The following EPB41 variants were observed in gnomAD, a reference collection of about 807,000 sequenced individuals.
EPB41 encodes erythrocyte membrane protein band 4.1.
EPB41 carries 65 observed loss-of-function variants against 108.0 expected under a neutral mutation model. That is an observed-to-expected ratio of 0.60 (90% CI 0.49 to 0.74). The LOEUF (loss-of-function observed/expected upper bound fraction) is 0.74, where lower values mean the gene tolerates loss of function less well. Ranked by LOEUF, EPB41 falls within the 30% of genes least tolerant of loss-of-function variation. The pLI is 0.00. For missense variants in EPB41, 875 were observed against 1,037.0 expected, an observed-to-expected ratio of 0.84 and a Z score of 2.15; for synonymous variants, 336 against 358.9, an observed-to-expected ratio of 0.94 and a Z score of 0.72.
intron 1 of EPB41, among the ~76,000 whole-genome samples, chr1:28,977,361 A>G (rs2095631275): frequency 1.3e-5 from 2 of 151,228 alleles, no homozygotes; most frequent in African/African-American, 4.9e-5. Flanking sequence ...AAAGATAACC[A>G]TTCAGTCTTT....
At chr1:29,039,209 TAA>T in intron 10 of EPB41, 43 bp from the exon 11 acceptor site, 1 of 1,563,550 alleles carries the variant, frequency 6.4e-7, no homozygotes, top group South Asian at 1.2e-5. Flanking sequence ...TTTAGAATAA[TAA>T]GATGAATATA....
Position 29,115,570 on chromosome 1 carries a change from C to A in EPB41, c.2497-129C>A. 2 of 792,720 alleles carry A rather than the reference C, an allele frequency of 2.5e-6. No homozygotes were observed. Among genetic ancestry groups the A allele is most frequent in the South Asian group, 1.5e-5 (1 of 67,772 alleles). The allele number at this position is 792,720 out of a possible 1,614,324, so 49.1% of individuals were successfully genotyped here. ...TAAGGTAATTATCAGCTTGGCTTAG[C>A]CTAAAGCTGCCCTGGTACTGCAGAC... is the stretch of plus-strand genomic sequence containing the variant. On this transcript the variant is annotated intron_variant, in intron 19 of 20. Transcript: ENST00000343067. The surrounding 1 kb of genome is among the most constrained non-coding windows in gnomAD (Gnocchi z 4.4).
At chr1:28,968,382 ACT>A (rs773917338) in intron 1 of EPB41, among the ~76,000 whole-genome samples, 70 of 151,154 alleles carry the variant, frequency 4.6e-4, no homozygotes, top group Admixed American at 7.9e-4. Flanking sequence ...AACAAACAAA[ACT>A]CTGTTTTTGT....
In EPB41 at chr1:29,018,543, A is replaced by T; in HGVS notation, c.1124+101A>T. ...TTTGCCTAAGAGGGATCATGGTGCCATAGAAAGAGTCAGTTTCCTCCACTG... is the reference window on the plus strand; with the variant it reads ...TTTGCCTAAGAGGGATCATGGTGCCTTAGAAAGAGTCAGTTTCCTCCACTG... On this transcript the variant is annotated intron_variant, in intron 7 of 20. Coordinates refer to ENST00000343067, the MANE Select transcript of EPB41 (RefSeq NM_001376013.1). The surrounding 1 kb of genome is among the most constrained non-coding windows in gnomAD (Gnocchi z 4.4). 8.4e-7 allele frequency: 1 copy of T among 1,196,234 alleles called. No individual in the cohort carries two copies. The highest frequency in any genetic ancestry group is 1.2e-6 in the Non-Finnish European group (1 of 807,406). 74.1% of individuals were successfully genotyped at this position (1,196,234 alleles called of 1,614,324 possible). A position where few individuals can be genotyped will look rare whatever the true frequency, so the allele number is the denominator to read the frequency against.
intron 1 of EPB41, among the ~76,000 whole-genome samples, chr1:28,979,896 A>G (rs1290257270): frequency 3.3e-5 from 5 of 152,218 alleles, no homozygotes; most frequent in Non-Finnish European, 5.9e-5. Flanking sequence ...CCGAACCATA[A>G]TGACAGATTT....
At chr1:29,004,058 A>C (rs1391182408) in intron 4 of EPB41, among the ~76,000 whole-genome samples, 4 of 152,242 alleles carry the variant, frequency 2.6e-5, no homozygotes, top group Admixed American at 2.6e-4. Context: ...CACTGCGCCC[A>C]GCCCAGAAGC....
chr1:29,029,311 T>C (rs777929932), intron 7 of EPB41, among the ~76,000 whole-genome samples: 2 of 152,170 alleles, frequency 1.3e-5, no homozygotes, highest in African/African-American at 2.4e-5. Context: ...TGAAAATAAG[T>C]TTGTTCATGA....
At position 29,027,726 on chromosome 1, in the gene EPB41, G is replaced by A. The variant is rs1025390845; in HGVS notation, c.1125-2674G>A. ...GCTAGGACTATAGGTGCATGCCACT[G>A]AGCCTGGCTAAAAATTAGGTAAAAA... On this transcript the variant is annotated intron_variant, in intron 7 of 20. Transcript: ENST00000343067. Among the ~76,000 whole-genome samples the A allele has an allele frequency of 3.3e-5, 5 of 152,162 alleles. No homozygotes were observed. The South Asian group carries it at 1.0e-3, about 32-fold the overall frequency.
At chr1:28,981,627 C>T (rs1415927422) in intron 1 of EPB41, among the ~76,000 whole-genome samples, 1 of 152,170 alleles carries the variant, frequency 6.6e-6, no homozygotes, top group South Asian at 2.1e-4. Flanking sequence ...ATATGCTGTG[C>T]TCTGTATTTC....
intron 1 of EPB41, among the ~76,000 whole-genome samples, chr1:28,953,117 G>T (rs767434703): frequency 3.4e-4 from 52 of 151,844 alleles, no homozygotes; most frequent in Non-Finnish European, 6.5e-4. Flanking sequence ...ATTGAAACAA[G>T]GTCTACATAT....
intron 4 of EPB41, among the ~76,000 whole-genome samples, chr1:28,999,369 C>CA (rs1019507326): frequency 9.3e-5 from 14 of 150,094 alleles, no homozygotes; most frequent in African/African-American, 2.9e-4. Context: ...GACTCCATCT[C>CA]AAAAAAAAGA....
intron 11 of EPB41, among the ~76,000 whole-genome samples, chr1:29,040,328 G>A (rs185490223): frequency 6.6e-6 from 1 of 151,758 alleles, no homozygotes; most frequent in African/African-American, 2.4e-5. Context: ...GGCCCAGGCT[G>A]GAGTGCAGTG....
chr1:29,064,108 C>T (rs145248933), intron 15 of EPB41, among the ~76,000 whole-genome samples: 351 of 152,034 alleles, frequency 2.3e-3, no homozygotes, highest in African/African-American at 7.9e-3. Flanking sequence ...TCTGCTGGAA[C>T]AGTTGAATTA....
chr1:28,914,988 C>A (rs2092500788), intron 1 of EPB41, among the ~76,000 whole-genome samples: 1 of 151,792 alleles, frequency 6.6e-6, no homozygotes, highest in East Asian at 2.0e-4. Flanking sequence ...GGGCCAGAGC[C>A]GCTGAGGAAA....
intron 11 of EPB41, among the ~76,000 whole-genome samples, chr1:29,040,688 T>C (rs1641153693): frequency 6.6e-6 from 1 of 152,136 alleles, no homozygotes; most frequent in African/African-American, 2.4e-5. Context: ...AGGGAGGAAA[T>C]ACACAAATTT....
intron 1 of EPB41, among the ~76,000 whole-genome samples, chr1:28,938,714 T>G (rs1325416819): frequency 6.6e-6 from 1 of 151,940 alleles, no homozygotes; most frequent in Non-Finnish European, 1.5e-5. Context: ...AAAATTTTTC[T>G]GAGAGACTAG....
chr1:28,975,817 A>C (rs1241842463), intron 1 of EPB41, among the ~76,000 whole-genome samples: 1 of 151,678 alleles, frequency 6.6e-6, no homozygotes, highest in African/African-American at 2.4e-5. Context: ...AAATACAAAA[A>C]ATTAGCCGGG....
At chr1:28,930,360 G>A (rs2093680275) in intron 1 of EPB41, among the ~76,000 whole-genome samples, 1 of 151,214 alleles carries the variant, frequency 6.6e-6, no homozygotes, top group Non-Finnish European at 1.5e-5. Flanking sequence ...TAGAAACGGG[G>A]TCTTGTCATA....
At chr1:28,914,218 G>A (rs114494817), upstream of EPB41, among the ~76,000 whole-genome samples, 1 of 152,212 alleles carries the variant, frequency 6.6e-6, no homozygotes, top group Non-Finnish European at 1.5e-5. Context: ...AAGGAGGAAA[G>A]GGCCTCACCG....
Sources: allele counts gnomAD v4.1 joint callset (sites outside exome capture counted in the v4.1 genomes callset), GRCh38; gene constraint gnomAD v4.1.1; non-coding constraint Gnocchi (gnomAD v3.1); transcripts MANE v1.5; gene names NCBI Gene and HGNC (gene_info 2026-07-23, HGNC 2026-07-21).